The following RIPK1 variants were observed in gnomAD, a reference collection of about 807,000 sequenced individuals.
The protein encoded by RIPK1 is receptor-interacting serine/threonine-protein kinase 1.
RIPK1 carries 27 observed loss-of-function variants against 62.4 expected under a neutral mutation model. The observed-to-expected ratio is 0.43, with a 90% CI of 0.32 to 0.60. The LOEUF (loss-of-function observed/expected upper bound fraction) is 0.60, where lower values mean the gene tolerates loss of function less well. Among genes scored for constraint, RIPK1 ranks in the 20% least tolerant of loss-of-function variants. The pLI is 0.07. For synonymous variants in RIPK1, 287 were observed against 303.2 expected (o/e 0.95, Z 0.55); for missense variants, 735 against 831.0 (o/e 0.88, Z 1.42).
At chr6:3,106,201 C>G in intron 9 of RIPK1, 150 bp downstream of exon 9, 1 of 632,330 alleles carries the variant, frequency 1.6e-6, no homozygotes, top group Non-Finnish European at 2.7e-6. Context: ...GGAATGGACC[C>G]TGCCAAACCA....
chr6:3,102,479 T>C (rs115383546), intron 7 of RIPK1, among the ~76,000 whole-genome samples: 2,170 of 152,336 alleles, frequency 0.014, 18 homozygotes, highest in Middle Eastern at 0.024. Context: ...AAAACACTTC[T>C]AATCCCAAGC....
chr6:3,101,638 A>G (rs900569574), intron 7 of RIPK1, among the ~76,000 whole-genome samples: 6 of 152,142 alleles, frequency 3.9e-5, no homozygotes, highest in African/African-American at 1.4e-4. Context: ...AGGAAAAAAA[A>G]AACTTGAAGG....
chr6:3,086,311 G>A (rs1376949288), intron 6 of RIPK1, among the ~76,000 whole-genome samples: 1 of 152,170 alleles, frequency 6.6e-6, no homozygotes, highest in Non-Finnish European at 1.5e-5. Context: ...AATACCCAGG[G>A]GTACAATAGC....
At position 3,114,252 on chromosome 6, in the gene RIPK1, T is replaced by G. The variant is rs1761303819; in HGVS notation, c.*913T>G. 6.6e-6 allele frequency: 1 copy of G among 152,198 alleles called. No homozygotes were observed. Among genetic ancestry groups the G allele is most frequent in the African/African-American group, 2.4e-5 (1 of 41,448 alleles). 9.4% of individuals were successfully genotyped at this position (152,198 alleles called of 1,614,324 possible). ...GGAGAGGGAACAGGAAATGCTGATCTCTACCCCTGGGTGAGACCAGAACCT... is the reference window on the plus strand; with the variant it reads ...GGAGAGGGAACAGGAAATGCTGATCGCTACCCCTGGGTGAGACCAGAACCT... On this transcript the variant is annotated 3_prime_UTR_variant, in exon 11 of 11. Coordinates refer to ENST00000259808, the MANE Select transcript of RIPK1 (RefSeq NM_001354930.2). This position sits in a 1 kb window ranked among gnomAD's most constrained non-coding sequence, Gnocchi z 5.0.
chr6:3,101,138 C>T lies in RIPK1; in HGVS notation c.916-3087C>T, dbSNP rs541983669. On this transcript the variant is annotated intron_variant, in intron 7 of 10. Transcript: ENST00000259808. ...ACAAAAAACACAAAAATTAGCCAAG[C>T]GTGGTGGCGCATGCCTGTTGTCCCA... is the stretch of plus-strand genomic sequence containing the variant. Among the ~76,000 whole-genome samples the T allele has an allele frequency of 1.8e-4, 28 of 152,110 alleles. 1 individual carries two copies. The South Asian group carries it at 5.8e-3, about 32-fold the overall frequency.
intron 1 of RIPK1, among the ~76,000 whole-genome samples, chr6:3,075,490 T>A (rs1487920446): frequency 6.6e-6 from 1 of 152,272 alleles, no homozygotes; most frequent in Non-Finnish European, 1.5e-5. Flanking sequence ...AGATTCCTTC[T>A]TTTGTTCATA....
intron 3 of RIPK1, 135 bp downstream of exon 3, chr6:3,078,070 C>A (rs1387255330): frequency 1.1e-5 from 9 of 832,916 alleles, no homozygotes. Flanking sequence ...ATTTTCTTTT[C>A]CTTTTTTTAT....
Position 3,083,161 on chromosome 6 carries a change from T to C in RIPK1, c.536T>C (p.Val179Ala). The change falls in exon 5 of 11, where the codon GTG (valine) becomes GCG (alanine). Residue 179 changes from valine to alanine, a missense_variant. Transcript: ENST00000259808. Reference sequence around the variant, plus strand: ...GAAGAGCACAATGAGCTGAGGGAAGTGGACGGCACCGCTAAGAAGAATGGC... The same window carrying C: ...GAAGAGCACAATGAGCTGAGGGAAGCGGACGGCACCGCTAAGAAGAATGGC... ...NNEEHNELRE[V>A]DGTAKKNGGT... The C allele has an allele frequency of 6.2e-7, 1 of 1,614,026 alleles. No individual in the cohort carries two copies. The highest frequency in any genetic ancestry group is 8.5e-7 in the Non-Finnish European group (1 of 1,179,978).
At chr6:3,086,449 A>T (rs1759695747) in intron 6 of RIPK1, among the ~76,000 whole-genome samples, 1 of 152,184 alleles carries the variant, frequency 6.6e-6, no homozygotes, top group African/African-American at 2.4e-5. Flanking sequence ...AGCATGGGGT[A>T]CCCAGGCTCC....
chr6:3,085,381 A>C lies in RIPK1; in HGVS notation c.811A>C (p.Asn271His). The C allele has an allele frequency of 6.2e-7, 1 of 1,614,218 alleles. No individual in the cohort carries two copies. The highest frequency in any genetic ancestry group is 1.7e-5 in the Admixed American group (1 of 60,022). ...ISLMKLCWEA[N>H]PEARPTFPGI... ...TCTCATGAAGCTCTGCTGGGAAGCG[A>C]ATCCGGAAGCTCGGCCGACATTTCC... The change falls in exon 6 of 11, where the codon AAT becomes CAT. Residue 271 changes from asparagine to histidine, a missense_variant. Physicochemically the swap from Asn to His is moderately conservative, Grantham distance 68 (BLOSUM62 1). Around this residue, in one of 2 missense-constraint regions of RIPK1, gnomAD observed 671 missense variants for 726.2 expected, o/e 0.92. Coordinates refer to ENST00000259808, the MANE Select transcript of RIPK1 (RefSeq NM_001354930.2).
At position 3,072,628 on chromosome 6, in the gene RIPK1, A is replaced by G. The variant is rs1415322288; in HGVS notation, c.-61+3967A>G. ...CTAGGCTCTGGAGATGGTGCACAAG[A>G]CAAGTTTCCTGCCTTCTGTGAACTT... On this transcript the variant is annotated intron_variant, in intron 1 of 10. Transcript: ENST00000259808. This position sits in a 1 kb window ranked among gnomAD's most constrained non-coding sequence, Gnocchi z 5.6. 6.6e-6 allele frequency among the ~76,000 whole-genome samples: 1 copy of G among 152,154 alleles called. No individual in the cohort carries two copies. Among genetic ancestry groups the G allele is most frequent in the Non-Finnish European group, 1.5e-5 (1 of 68,016 alleles).
chr6:3,075,402 C>A (rs1334417627), intron 1 of RIPK1, among the ~76,000 whole-genome samples: 1 of 152,138 alleles, frequency 6.6e-6, no homozygotes, highest in South Asian at 2.1e-4. Flanking sequence ...ACTTCACAGC[C>A]CTGATGGACA....
At chr6:3,096,683 C>A (rs899875585) in intron 7 of RIPK1, among the ~76,000 whole-genome samples, 1 of 150,204 alleles carries the variant, frequency 6.7e-6, no homozygotes, top group Non-Finnish European at 1.5e-5. Flanking sequence ...CCTCAGTCTC[C>A]TGAGTAGCTG....
chr6:3,081,808 C>T (rs1759396644), intron 4 of RIPK1, among the ~76,000 whole-genome samples: 2 of 119,686 alleles, frequency 1.7e-5, no homozygotes, highest in African/African-American at 6.4e-5. Flanking sequence ...TGTGGTGAGC[C>T]GAGATTGTGC....
At chr6:3,108,923 T>C (rs548792419) in intron 9 of RIPK1, among the ~76,000 whole-genome samples, 1 of 152,240 alleles carries the variant, frequency 6.6e-6, no homozygotes, top group East Asian at 1.9e-4. Context: ...TGGCCTACCT[T>C]AGGGCCAGGT....
At chr6:3,078,430 C>T (rs1759206566) in intron 3 of RIPK1, among the ~76,000 whole-genome samples, 1 of 152,204 alleles carries the variant, frequency 6.6e-6, no homozygotes, top group Non-Finnish European at 1.5e-5. Context: ...TCTCTTCATC[C>T]TCTCGATCCT....
intron 1 of RIPK1, among the ~76,000 whole-genome samples, chr6:3,070,415 C>T (rs1257641244): frequency 1.3e-5 from 2 of 152,020 alleles, no homozygotes; most frequent in African/African-American, 4.8e-5. Flanking sequence ...GATTTTGAAC[C>T]ATATATTTCA....
chr6:3,107,639 A>G (rs1450224133), intron 9 of RIPK1, among the ~76,000 whole-genome samples: 1 of 151,876 alleles, frequency 6.6e-6, no homozygotes, highest in East Asian at 1.9e-4. Flanking sequence ...CACTGGAGCT[A>G]TAACTGAACA....
chr6:3,095,615 G>A (rs911093170), intron 7 of RIPK1, among the ~76,000 whole-genome samples: 12 of 152,156 alleles, frequency 7.9e-5, no homozygotes, highest in East Asian at 3.9e-4. Flanking sequence ...TGCCAAGAAT[G>A]CAAAGTTAGT....
Sources: gnomAD v4.1 joint callset for allele counts (sites outside exome capture counted in the v4.1 genomes callset) on GRCh38, gnomAD v4.1.1 for gene constraint, gnomAD v4.1.1 regional missense constraint, Gnocchi (gnomAD v3.1) non-coding constraint, MANE v1.5 for transcripts, NCBI Gene and HGNC (gene_info 2026-07-23, HGNC 2026-07-21) for gene names.